Variants in PXT1 observed in about 807,000 individuals in gnomAD.
PXT1 encodes the protein peroxisomal testis-specific protein 1.
In PXT1, 11 loss-of-function variants were observed where a neutral mutation model predicts 11.0. The observed-to-expected ratio is 1.00, with a 90% CI of 0.63 to 1.66. The LOEUF (loss-of-function observed/expected upper bound fraction) is 1.66, where lower values mean the gene tolerates loss of function less well. Ranked by LOEUF, PXT1 falls within the 40% of genes most tolerant of loss-of-function variation. The pLI is 0.00. For synonymous variants in PXT1, 43 were observed against 51.4 expected (o/e 0.84, Z 0.70); for missense variants, 141 against 155.5 (o/e 0.91, Z 0.49).
At chr6:36,415,913 G>T (rs981145623) in intron 3 of PXT1, among the ~76,000 whole-genome samples, 1 of 152,144 alleles carries the variant, frequency 6.6e-6, no homozygotes, top group African/African-American at 2.4e-5. Context: ...AGGAAGTCTG[G>T]AAGAAGTGAG....
chr6:36,440,426 C>T (rs773775638), intron 1 of PXT1, among the ~76,000 whole-genome samples: 3 of 151,816 alleles, frequency 2.0e-5, no homozygotes, highest in Non-Finnish European at 2.9e-5. Flanking sequence ...AAAAATTAGC[C>T]GGGCACAGTG....
chr6:36,432,025 T>C (rs1774700001), intron 2 of PXT1, among the ~76,000 whole-genome samples: 1 of 152,126 alleles, frequency 6.6e-6, no homozygotes, highest in Non-Finnish European at 1.5e-5. Context: ...GAGCCGAGAT[T>C]GCGCCACTGC....
At chr6:36,392,819 T>G (rs1774088287) in intron 4 of PXT1, among the ~76,000 whole-genome samples, 1 of 152,124 alleles carries the variant, frequency 6.6e-6, no homozygotes, top group Non-Finnish European at 1.5e-5. Context: ...GCCTGCCCCC[T>G]GCAGTCTGTT....
intron 2 of PXT1, among the ~76,000 whole-genome samples, chr6:36,431,609 A>C (rs1226867931): frequency 1.3e-5 from 2 of 152,180 alleles, no homozygotes; most frequent in Admixed American, 6.5e-5. Flanking sequence ...TCTACAAAAA[A>C]TAGAAAAATT....
chr6:36,430,818 A>G (rs1432558564), intron 2 of PXT1, among the ~76,000 whole-genome samples: 1 of 152,112 alleles, frequency 6.6e-6, no homozygotes, highest in Non-Finnish European at 1.5e-5. Flanking sequence ...TTTTTGAGAC[A>G]ACGTCTCGCT....
intron 2 of PXT1, among the ~76,000 whole-genome samples, chr6:36,431,630 A>G (rs1774694955): frequency 6.6e-6 from 1 of 152,136 alleles, no homozygotes; most frequent in African/African-American, 2.4e-5. Flanking sequence ...ACCTGGGTGT[A>G]GTGGCATGTG....
intron 2 of PXT1, among the ~76,000 whole-genome samples, chr6:36,430,254 A>AT (rs1774674514): frequency 6.6e-6 from 1 of 152,108 alleles, no homozygotes. Flanking sequence ...TCCATTAATT[A>AT]TTAATTCATC....
intron 2 of PXT1, among the ~76,000 whole-genome samples, chr6:36,438,247 C>T (rs1774795889): frequency 6.6e-6 from 1 of 152,150 alleles, no homozygotes; most frequent in Admixed American, 6.5e-5. Context: ...ACTTATTTTG[C>T]TAGTAATGTA....
intron 2 of PXT1, among the ~76,000 whole-genome samples, chr6:36,434,233 CAT>C: frequency 6.6e-6 from 1 of 151,904 alleles, no homozygotes; most frequent in East Asian, 1.9e-4. Context: ...AACAAAAGGA[CAT>C]ATGTCTCCAG....
chr6:36,411,946 A>G (rs1231931076), intron 3 of PXT1, among the ~76,000 whole-genome samples: 1 of 151,658 alleles, frequency 6.6e-6, no homozygotes, highest in African/African-American at 2.4e-5. Context: ...AGACCTTGCC[A>G]AAAAAACAAA....
chr6:36,423,494 C>T (rs1471349013), intron 3 of PXT1, among the ~76,000 whole-genome samples: 6 of 152,204 alleles, frequency 3.9e-5, no homozygotes, highest in Admixed American at 2.6e-4. Flanking sequence ...ACGCGGCCGG[C>T]GGCGGCGCGC....
At chr6:36,419,058 C>T (rs1453375352) in intron 3 of PXT1, among the ~76,000 whole-genome samples, 1 of 152,180 alleles carries the variant, frequency 6.6e-6, no homozygotes, top group Non-Finnish European at 1.5e-5. Context: ...TTGAAACATA[C>T]ACATACTCCT....
At position 36,438,817 on chromosome 6, in the gene PXT1, T is replaced by C. The variant is rs977153108; in HGVS notation, c.-60A>G. ...TATTTTCTGTATTTTCATGCTTGAG[T>C]TAATAAATTGCAAAGTTTCCCTCTT... On this transcript the variant is annotated 5_prime_UTR_variant, in exon 2 of 5. Coordinates refer to ENST00000454782, the MANE Select transcript of PXT1 (RefSeq NM_152990.4). 6.6e-6 allele frequency: 1 copy of C among 152,234 alleles called. No individual in the cohort carries two copies. The highest frequency in any genetic ancestry group is 1.5e-5 in the Non-Finnish European group (1 of 68,048). The allele number at this position is 152,234 out of a possible 1,614,324, so 9.4% of individuals were successfully genotyped here.
intron 3 of PXT1, among the ~76,000 whole-genome samples, chr6:36,421,156 A>C (rs138765175): frequency 1.9e-4 from 29 of 152,266 alleles, no homozygotes; most frequent in African/African-American, 5.8e-4. Context: ...CAAAATTAAA[A>C]AACAACAACA....
chr6:36,427,683 A>T (rs1774627337), intron 2 of PXT1, among the ~76,000 whole-genome samples: 1 of 152,248 alleles, frequency 6.6e-6, no homozygotes, highest in Admixed American at 6.5e-5. Context: ...AAAATTATTA[A>T]TGAAATATTT....
Position 36,429,615 on chromosome 6 carries a change from T to C in PXT1, c.-9-3524A>G, listed in dbSNP as rs1349339293. Among the ~76,000 whole-genome samples, 7 of 150,464 alleles carry C rather than the reference T, an allele frequency of 4.7e-5. No individual in the cohort carries two copies. The South Asian group carries it at 6.3e-4, about 14-fold the overall frequency. On this transcript the variant is annotated intron_variant, in intron 2 of 4. Transcript: ENST00000454782. ...CCGCCTCCCAGGTTCAAGCGATTCT[T>C]CTGCCTCAGCCTCCTGTGTAGCTGG...
At chr6:36,431,427 A>G (rs1178409965) in intron 2 of PXT1, among the ~76,000 whole-genome samples, 5 of 152,192 alleles carry the variant, frequency 3.3e-5, no homozygotes, top group African/African-American at 9.7e-5. Context: ...GCAGAGCTAC[A>G]GTCTAGCAGA....
chr6:36,429,359 G>A (rs1774656005), intron 2 of PXT1, among the ~76,000 whole-genome samples: 1 of 117,376 alleles, frequency 8.5e-6, no homozygotes, highest in Non-Finnish European at 1.7e-5. Context: ...CAGAATTCAT[G>A]AAAGCATGAG....
At chr6:36,435,557 G>A (rs1456905425) in intron 2 of PXT1, among the ~76,000 whole-genome samples, 1 of 152,042 alleles carries the variant, frequency 6.6e-6, no homozygotes, top group Admixed American at 6.6e-5. Flanking sequence ...GTAAGACCCT[G>A]TCCCTAAGAA....
Sources: gnomAD v4.1 joint callset for allele counts (sites outside exome capture counted in the v4.1 genomes callset) on GRCh38, gnomAD v4.1.1 for gene constraint, MANE v1.5 for transcripts, NCBI Gene and HGNC (gene_info 2026-07-23, HGNC 2026-07-21) for gene names.